Variants in TPGS1 observed in about 807,000 individuals in gnomAD.
TPGS1 encodes the protein tubulin polyglutamylase complex subunit 1.
TPGS1 carries 18 observed loss-of-function variants against 11.9 expected under a neutral mutation model. That is an observed-to-expected ratio of 1.51 (90% CI 1.04 to 2.24). The LOEUF (loss-of-function observed/expected upper bound fraction) is 2.24, where lower values mean the gene tolerates loss of function less well. TPGS1 is among the 30% of genes most tolerant of loss of function. The pLI is 0.00. For synonymous variants in TPGS1, 247 were observed against 218.2 expected (o/e 1.13, Z -1.16); for missense variants, 500 against 443.0 (o/e 1.13, Z -1.16).
At chr19:508,206 G>A in intron 1 of TPGS1, 1 of 208,054 alleles carries the variant, frequency 4.8e-6, no homozygotes, top group Non-Finnish European at 9.5e-6. Context: ...CCTCCTAGTC[G>A]CCTCCTTAGC....
intron 1 of TPGS1, among the ~76,000 whole-genome samples, chr19:514,607 G>A (rs754883857): frequency 6.6e-6 from 1 of 152,222 alleles, no homozygotes; most frequent in Admixed American, 6.5e-5. Context: ...AGGTGAAGTC[G>A]TGTGCCCAGG....
intron 1 of TPGS1, among the ~76,000 whole-genome samples, chr19:514,109 C>T (rs1474239356): frequency 6.8e-6 from 1 of 147,856 alleles, no homozygotes; most frequent in Non-Finnish European, 1.5e-5. Context: ...GCCCTGCATT[C>T]ACTAAGCACC....
chr19:510,363 A>ACT (rs1289099457), intron 1 of TPGS1: 2 of 150,456 alleles, frequency 1.3e-5, no homozygotes, highest in Non-Finnish European at 2.9e-5. Context: ...ACAGAGCGAG[A>ACT]CTCTGTCTCA....
chr19:507,718 T>G lies in TPGS1; in HGVS notation c.212T>G (p.Phe71Cys). Residue 71 changes from phenylalanine (F) to cysteine (C), a missense_variant, in exon 1 of 2, where the codon TTC becomes TGC. Transcript: ENST00000359315. ...EEPIAFLAHY[F>C]ENMGLRSPVN... ...CCGATCGCCTTCCTGGCTCACTACT[T>G]CGAGAACATGGGCCTGCGCTCGCCT... The G allele has an allele frequency of 7.1e-7, 1 of 1,402,068 alleles. No homozygotes were observed. Among genetic ancestry groups the G allele is most frequent in the South Asian group, 1.6e-5 (1 of 64,226 alleles). The allele number at this position is 1,402,068 out of a possible 1,614,324, so 86.9% of individuals were successfully genotyped here.
Position 514,052 on chromosome 19 carries a change from C to G in TPGS1, c.339-4837C>G, listed in dbSNP as rs533435857. On this transcript the variant is annotated intron_variant, in intron 1 of 1. Coordinates refer to ENST00000359315, the MANE Select transcript of TPGS1 (RefSeq NM_033513.3). ...TACACAGACCCAGCATTACTGAGCACCCACTGCACACTGGCCCCACATTTG... is the reference window on the plus strand; with the variant it reads ...TACACAGACCCAGCATTACTGAGCAGCCACTGCACACTGGCCCCACATTTG... Among the ~76,000 whole-genome samples, 149 of 152,050 alleles carry G rather than the reference C, an allele frequency of 9.8e-4. 1 individual carries two copies. Among genetic ancestry groups the G allele is most frequent in the African/African-American group, 3.2e-3 (131 of 41,452 alleles).
Position 518,925 on chromosome 19 carries a change from G to T in TPGS1, c.375G>T (p.Glu125Asp), listed in dbSNP as rs768625621. 2 of 1,577,186 alleles carry T rather than the reference G, an allele frequency of 1.3e-6. No individual in the cohort carries two copies. Among genetic ancestry groups the T allele is most frequent in the Non-Finnish European group, 1.7e-6 (2 of 1,168,806 alleles). The change falls in exon 2 of 2, where the codon GAG (glutamate) becomes GAT (aspartate). Residue 125 changes from glutamate (E) to aspartate (D), a missense_variant. Coordinates refer to ENST00000359315, the MANE Select transcript of TPGS1 (RefSeq NM_033513.3). Reference protein sequence around the residue: ...AFNNNVSVAYECLSAGGRRKR... With the variant: ...AFNNNVSVAYDCLSAGGRRKR... ...ACAACAACGTGAGCGTGGCCTACGA[G>T]TGCCTGAGCGCCGGCGGGCGCAGGA...
chr19:511,964 T>C (rs1978809056), intron 1 of TPGS1, among the ~76,000 whole-genome samples: 1 of 151,932 alleles, frequency 6.6e-6, no homozygotes, highest in Non-Finnish European at 1.5e-5. Context: ...TTCCGCCTCC[T>C]GGGTTGACGC....
chr19:509,198 G>A (rs1314673908), intron 1 of TPGS1: 1 of 152,292 alleles, frequency 6.6e-6, no homozygotes, highest in African/African-American at 2.4e-5. Flanking sequence ...ACCTAGCCCA[G>A]AGAGCCCACC....
At position 518,140 on chromosome 19, in the gene TPGS1, G is replaced by A. The variant is rs570880896; in HGVS notation, c.339-749G>A. 6.5e-3 allele frequency among the ~76,000 whole-genome samples: 733 copies of A among 112,774 alleles called. 33 individuals carry two copies. The highest frequency in any genetic ancestry group is 0.027 in the African/African-American group (675 of 25,042). The allele number at this position is 112,774 out of a possible 152,430, so 74.0% of individuals were successfully genotyped here. ...TGGGAGGAAGGAGGCCAGGCTGGGT[G>A]GGAGCTGGGAGGAGGGAGGCCCAGG... On this transcript the variant is annotated intron_variant, in intron 1 of 1. Transcript: ENST00000359315.
intron 1 of TPGS1, among the ~76,000 whole-genome samples, chr19:511,783 A>C (rs1978803468): frequency 6.6e-6 from 1 of 152,378 alleles, no homozygotes; most frequent in Non-Finnish European, 1.5e-5. Flanking sequence ...AGAAGCTGCG[A>C]GCACGACAGG....
At chr19:516,455 G>T (rs971047222) in intron 1 of TPGS1, among the ~76,000 whole-genome samples, 1 of 151,576 alleles carries the variant, frequency 6.6e-6, no homozygotes, top group Admixed American at 6.6e-5. Flanking sequence ...CGCCATCTTG[G>T]CTCACCGCAA....
At chr19:515,234 G>A (rs1296929660) in intron 1 of TPGS1, among the ~76,000 whole-genome samples, 1 of 152,024 alleles carries the variant, frequency 6.6e-6, no homozygotes, top group South Asian at 2.1e-4. Flanking sequence ...TGGGATTGTG[G>A]GGAGAGAAAT....
In TPGS1 at chr19:519,140, G is replaced by A. The variant is rs138959339; in HGVS notation, c.590G>A (p.Arg197His). The change falls in exon 2 of 2, where the codon CGC becomes CAC. Residue 197 changes from arginine to histidine, a missense_variant. Arg to His is a conservative substitution (Grantham distance 29, BLOSUM62 0). Transcript: ENST00000359315. ...TCFVLLEFVA[R>H]AGALFQLLED... Reference sequence around the variant, plus strand: ...TTCGTGCTGCTGGAGTTCGTGGCGCGCGCCGGCGCGCTCTTCCAGCTGCTG... The same window carrying A: ...TTCGTGCTGCTGGAGTTCGTGGCGCACGCCGGCGCGCTCTTCCAGCTGCTG... The A allele has an allele frequency of 5.9e-6, 9 of 1,514,896 alleles. No homozygotes were observed. The highest frequency in any genetic ancestry group is 1.7e-4 in the Middle Eastern group (1 of 5,736). The allele number at this position is 1,514,896 out of a possible 1,614,324, so 93.8% of individuals were successfully genotyped here.
chr19:516,686 A>T (rs1003859624), intron 1 of TPGS1, among the ~76,000 whole-genome samples: 1 of 152,150 alleles, frequency 6.6e-6, no homozygotes, highest in Non-Finnish European at 1.5e-5. Context: ...CCTGGCCAAC[A>T]TTTCTCACAT....
rs570010522 is a variant in TPGS1, at chr19:507,612, G to A, written c.106G>A (p.Glu36Lys). The part of the protein sequence containing the change: ...SRAAGAAESE[E>K]DFLRQVGVTE... ...GGCGGCGGGGGCGGCCGAGAGCGAG[G>A]AGGACTTCCTGCGGCAGGTCGGCGT... The change falls in exon 1 of 2, where the codon GAG (glutamate) becomes AAG (lysine). Residue 36 changes from glutamate to lysine, a missense_variant. Transcript: ENST00000359315. 7.1e-7 allele frequency: 1 copy of A among 1,399,158 alleles called. No homozygotes were observed. Among genetic ancestry groups the A allele is most frequent in the Non-Finnish European group, 9.4e-7 (1 of 1,063,772 alleles). The allele number at this position is 1,399,158 out of a possible 1,614,324, so 86.7% of individuals were successfully genotyped here.
Position 519,023 on chromosome 19 carries a change from A to C in TPGS1, c.473A>C (p.Glu158Ala). The change falls in exon 2 of 2, where the codon GAG (glutamate) becomes GCG (alanine). Residue 158 changes from glutamate (E) to alanine (A), a missense_variant. Physicochemically the swap from Glu to Ala is moderately radical, Grantham distance 107. Coordinates refer to ENST00000359315, the MANE Select transcript of TPGS1 (RefSeq NM_033513.3). ...RRICRDGQAPEEVVAPLLRKV... is the reference protein window; with the variant it reads ...RRICRDGQAPAEVVAPLLRKV... Reference sequence around the variant, plus strand: ...ATCTGCCGGGACGGCCAAGCCCCCGAGGAGGTGGTGGCGCCGCTGCTGCGC... The same window carrying C: ...ATCTGCCGGGACGGCCAAGCCCCCGCGGAGGTGGTGGCGCCGCTGCTGCGC... The C allele has an allele frequency of 1.3e-6, 2 of 1,561,270 alleles. No individual in the cohort carries two copies. Among genetic ancestry groups the C allele is most frequent in the Non-Finnish European group, 1.7e-6 (2 of 1,160,288 alleles).
At chr19:518,760 A>G in intron 1 of TPGS1, 129 bp from the exon 2 acceptor site, 2 of 822,298 alleles carry the variant, frequency 2.4e-6, no homozygotes, top group Non-Finnish European at 3.2e-6. Context: ...GATGGGGGGT[A>G]GGAGGAGAGG....
chr19:514,587 G>A (rs192449386), intron 1 of TPGS1, among the ~76,000 whole-genome samples: 2 of 152,340 alleles, frequency 1.3e-5, no homozygotes, highest in East Asian at 3.9e-4. Flanking sequence ...ACCACAGGTG[G>A]CCCACAGAAA....
intron 1 of TPGS1, among the ~76,000 whole-genome samples, chr19:511,313 G>T (rs886736594): frequency 6.6e-6 from 1 of 152,272 alleles, no homozygotes; most frequent in Non-Finnish European, 1.5e-5. Context: ...GCGGGTATGC[G>T]GCCGCCTTGA....
Sources: allele counts gnomAD v4.1 joint callset (sites outside exome capture counted in the v4.1 genomes callset), GRCh38; gene constraint gnomAD v4.1.1; transcripts MANE v1.5; gene names NCBI Gene and HGNC (gene_info 2026-07-23, HGNC 2026-07-21).